The following RASEF variants were observed in gnomAD, a reference collection of about 807,000 sequenced individuals.
RASEF encodes RAS and EF-hand domain containing.
Under a neutral mutation model 90.1 loss-of-function variants are expected in RASEF, and 68 were observed. The observed-to-expected ratio is 0.75, with a 90% CI of 0.62 to 0.92. RASEF has a LOEUF of 0.92. RASEF is among the 40% of genes least tolerant of loss of function. The probability of loss-of-function intolerance (pLI) is 0.00; values close to 1 mark genes in which losing one functional copy is unlikely to be tolerated. For missense variants in RASEF, 949 were observed against 937.2 expected (o/e 1.01, Z -0.16); for synonymous variants, 331 against 345.2 (o/e 0.96, Z 0.46).
the RASEF span, among the ~76,000 whole-genome samples, chr9:83,105,204 G>A: frequency 6.6e-6 from 1 of 152,098 alleles, no homozygotes; most frequent in Non-Finnish European, 1.5e-5. Flanking sequence ...GCCAAACTGA[G>A]GCTTACATTA....
chr9:83,164,373 A>ATATATATGTG, the RASEF span, among the ~76,000 whole-genome samples: 186 of 141,962 alleles, frequency 1.3e-3, 1 homozygote, highest in Middle Eastern at 3.8e-3. Flanking sequence ...ATATATATAT[A>ATATATATGTG]TGTGTGTGTG....
At chr9:83,164,311 G>T in the RASEF span, among the ~76,000 whole-genome samples, 1 of 142,248 alleles carries the variant, frequency 7.0e-6, no homozygotes, top group Non-Finnish European at 1.5e-5. Context: ...AAATAATAGC[G>T]ACAACGTATT....
rs533322062 is a variant in RASEF, at chr9:83,061,460, C to CA, written c.431+976dup. Among the ~76,000 whole-genome samples the CA allele has an allele frequency of 2.1e-3, 319 of 152,264 alleles. 2 individuals carry two copies. The highest frequency in any genetic ancestry group is 7.5e-3 in the African/African-American group (312 of 41,556). On this transcript the variant is annotated intron_variant, in intron 1 of 16. Transcript: ENST00000376447. ...CTTAATAACGACAGCCAGAGCTCAG[C>CA]AAAATTTCAGCTAAAATCCAAACAT...
chr9:83,189,322 TC>T, the RASEF span, among the ~76,000 whole-genome samples: 6 of 152,198 alleles, frequency 3.9e-5, no homozygotes, highest in Admixed American at 6.5e-5. Context: ...ATTCTAAGTT[TC>T]CTGAGGTCTC....
At chr9:83,003,582 T>G (rs559420483) in intron 9 of RASEF, among the ~76,000 whole-genome samples, 1 of 152,174 alleles carries the variant, frequency 6.6e-6, no homozygotes, top group Non-Finnish European at 1.5e-5. Context: ...ATCAAGCCAT[T>G]AAATTTTTTT....
chr9:83,118,203 A>G, the RASEF span, among the ~76,000 whole-genome samples: 1 of 152,200 alleles, frequency 6.6e-6, no homozygotes, highest in East Asian at 1.9e-4. Flanking sequence ...CTTTTTAACT[A>G]AAGCTTTAAT....
the RASEF span, among the ~76,000 whole-genome samples, chr9:83,092,003 C>CTTTTTTTTTTTTT: frequency 6.7e-4 from 24 of 35,888 alleles, no homozygotes; most frequent in African/African-American, 1.5e-3. Context: ...TCTTTTATTT[C>CTTTTTTTTTTTTT]TTTTTTTTTT....
At chr9:83,106,257 C>T in the RASEF span, among the ~76,000 whole-genome samples, 1 of 152,132 alleles carries the variant, frequency 6.6e-6, no homozygotes, top group African/African-American at 2.4e-5. Context: ...AATACTTGCC[C>T]GTATCTCTCT....
chr9:83,179,598 A>T, the RASEF span, among the ~76,000 whole-genome samples: 1 of 152,192 alleles, frequency 6.6e-6, no homozygotes, highest in Admixed American at 6.5e-5. Flanking sequence ...TTCATTCACC[A>T]CCACATATCC....
At chr9:83,158,690 A>C in the RASEF span, among the ~76,000 whole-genome samples, 2 of 33,716 alleles carry the variant, frequency 5.9e-5, no homozygotes, top group Non-Finnish European at 1.1e-4. Context: ...ACATATACAT[A>C]TATGTATATA....
chr9:83,083,027 T>C, the RASEF span, among the ~76,000 whole-genome samples: 5 of 152,186 alleles, frequency 3.3e-5, no homozygotes, highest in African/African-American at 1.2e-4. Flanking sequence ...TTCGAATTCA[T>C]ACCTATCCAA....
At chr9:83,042,826 T>A (rs1390618074) in intron 1 of RASEF, among the ~76,000 whole-genome samples, 37 of 152,164 alleles carry the variant, frequency 2.4e-4, no homozygotes, top group Non-Finnish European at 5.1e-4. Context: ...ACAATTCTAA[T>A]GTATCTGATA....
At chr9:83,086,927 C>T in the RASEF span, among the ~76,000 whole-genome samples, 98 of 152,254 alleles carry the variant, frequency 6.4e-4, no homozygotes, top group Middle Eastern at 3.4e-3. Context: ...CACAGACCAA[C>T]GCTAACACAA....
intron 1 of RASEF, among the ~76,000 whole-genome samples, chr9:83,041,771 T>C (rs1250027288): frequency 1.3e-5 from 2 of 152,162 alleles, no homozygotes; most frequent in Non-Finnish European, 2.9e-5. Context: ...AGTGTGTTTT[T>C]AAAAAAAGGT....
At chr9:83,199,224 TAAAAAAAAAA>T in the RASEF span, among the ~76,000 whole-genome samples, 3,512 of 118,654 alleles carry the variant, frequency 0.03, 109 homozygotes, top group African/African-American at 0.069. Flanking sequence ...AGCCCTAATT[TAAAAAAAAAA>T]AAAAAAAAAA....
At chr9:83,140,931 T>C in the RASEF span, among the ~76,000 whole-genome samples, 1 of 151,968 alleles carries the variant, frequency 6.6e-6, no homozygotes, top group South Asian at 2.1e-4. Context: ...TAACCTTAGG[T>C]CAGGAGTTCG....
chr9:83,166,834 G>C, the RASEF span, among the ~76,000 whole-genome samples: 1 of 152,236 alleles, frequency 6.6e-6, no homozygotes, highest in Non-Finnish European at 1.5e-5. Flanking sequence ...GGCACACTCA[G>C]GTAGACCCCC....
Position 83,004,488 on chromosome 9 carries a change from G to A in RASEF, c.1202+10C>T. 6.5e-7 allele frequency: 1 copy of A among 1,546,150 alleles called. No homozygotes were observed. Among genetic ancestry groups the A allele is most frequent in the Non-Finnish European group, 8.9e-7 (1 of 1,118,600 alleles). The stretch of plus-strand genomic sequence containing the variant: ...GAACTTGAACAGAAAGTTAAGACGA[G>A]TTAACATACCTGTCATAGCCTAGAG... On this transcript the variant is annotated intron_variant, in intron 9 of 16. Transcript: ENST00000376447.
At chr9:83,181,491 A>T in the RASEF span, among the ~76,000 whole-genome samples, 1 of 152,318 alleles carries the variant, frequency 6.6e-6, no homozygotes, top group East Asian at 1.9e-4. Context: ...CCCATTAGAC[A>T]GATCTTCAAG....
Sources: allele counts gnomAD v4.1 joint callset (sites outside exome capture counted in the v4.1 genomes callset), GRCh38; gene constraint gnomAD v4.1.1; transcripts MANE v1.5; gene names NCBI Gene and HGNC (gene_info 2026-07-23, HGNC 2026-07-21).